MRC2: variants seen among roughly 807,000 people sequenced by gnomAD.
MRC2 encodes C-type mannose receptor 2.
MRC2 carries 84 observed loss-of-function variants against 206.2 expected under a neutral mutation model. The observed-to-expected ratio is 0.41, with a 90% CI of 0.34 to 0.49. The LOEUF is 0.49. MRC2 is among the 20% of genes least tolerant of loss of function. The probability of loss-of-function intolerance (pLI) is 0.31; values close to 1 mark genes in which losing one functional copy is unlikely to be tolerated. For synonymous variants in MRC2, 798 were observed against 800.0 expected (o/e 1.00, Z 0.04); for missense variants, 1,676 against 2,001.5 (o/e 0.84, Z 3.10).
intron 1 of MRC2, among the ~76,000 whole-genome samples, chr17:62,635,426 A>G (rs951399599): frequency 3.3e-5 from 5 of 151,836 alleles, no homozygotes; most frequent in Admixed American, 1.3e-4. Context: ...TTTAACCTTC[A>G]TTTAGGGAAG....
At position 62,677,277 on chromosome 17, in the gene MRC2, C is replaced by A. The variant is rs199708648; in HGVS notation, c.1843C>A (p.Arg615Ser). Residue 615 changes from arginine to serine, a missense_variant, in exon 12 of 30, where the codon CGT becomes AGT. Coordinates refer to ENST00000303375, the MANE Select transcript of MRC2 (RefSeq NM_006039.5). ...HWNRDQPGYS[R>S]GGCVALATGS... ...CCTTCCCTCTCCTTCAGGGTACAGC[C>A]GTGGGGGCTGCGTGGCGCTGGCCAC... The A allele has an allele frequency of 1.9e-6, 3 of 1,601,214 alleles. No individual in the cohort carries two copies. The East Asian group carries it at 6.8e-5, about 36-fold the overall frequency.
intron 11 of MRC2, among the ~76,000 whole-genome samples, 197 bp from the exon 12 acceptor site, chr17:62,677,072 A>G (rs2088901869): frequency 6.6e-6 from 1 of 152,254 alleles, no homozygotes; most frequent in African/African-American, 2.4e-5. Context: ...GAGCCCTCAC[A>G]GTGGGTGAAC....
At chr17:62,659,752 G>C (rs549407500) in intron 1 of MRC2, among the ~76,000 whole-genome samples, 7 of 152,292 alleles carry the variant, frequency 4.6e-5, no homozygotes, top group African/African-American at 1.7e-4. Flanking sequence ...CAGGGTCCCT[G>C]CCCCAACCTA....
intron 1 of MRC2, among the ~76,000 whole-genome samples, chr17:62,659,175 A>C (rs2088652324): frequency 6.6e-6 from 1 of 152,062 alleles, no homozygotes; most frequent in Admixed American, 6.6e-5. Context: ...CTATCCATGA[A>C]GGCTCTTCCC....
Position 62,627,813 on chromosome 17 carries a change from G to C in MRC2, c.11G>C (p.Gly4Ala). The stretch of plus-strand genomic sequence containing the variant: ...GCGCCGCGCTCGGGGATGGGGCCCG[G>C]CCGGCCGGCCCCCGCGCCCTGGCCT... MGP[G>A]RPAPAPWPRH... The change falls in exon 1 of 30, where the codon GGC becomes GCC. Residue 4 changes from glycine (G) to alanine (A), a missense_variant. Coordinates refer to ENST00000303375, the MANE Select transcript of MRC2 (RefSeq NM_006039.5). The C allele has an allele frequency of 2.1e-6, 3 of 1,440,208 alleles. No individual in the cohort carries two copies. Among genetic ancestry groups the C allele is most frequent in the Admixed American group, 2.8e-5 (1 of 35,752 alleles). 89.2% of individuals were successfully genotyped at this position (1,440,208 alleles called of 1,614,324 possible).
chr17:62,663,899 C>T (rs2088710079), intron 1 of MRC2, among the ~76,000 whole-genome samples: 1 of 151,704 alleles, frequency 6.6e-6, no homozygotes, highest in Non-Finnish European at 1.5e-5. Flanking sequence ...TGCCTCCACT[C>T]CTCCTCATAA....
rs1568067838 is a variant in MRC2 at position 62,679,911 on chromosome 17, GC to G, written c.2298+11del. On this transcript the variant is annotated intron_variant, in intron 14 of 29. Transcript: ENST00000303375. ...GGAGCGACGGCGTAGGGGTGAGGGG[GC>G]CTGGGGTACTTGGGACTGCGAGGCC... 1 of 1,609,614 alleles carries G rather than the reference GC, an allele frequency of 6.2e-7. No individual in the cohort carries two copies. Among genetic ancestry groups the G allele is most frequent in the South Asian group, 1.1e-5 (1 of 90,498 alleles).
chr17:62,642,378 A>T (rs764693746), intron 1 of MRC2, among the ~76,000 whole-genome samples: 18 of 152,176 alleles, frequency 1.2e-4, no homozygotes, highest in African/African-American at 3.9e-4. Context: ...CACCAATGTC[A>T]ATTTGTTCCC....
Position 62,688,925 on chromosome 17 carries a change from A to G in MRC2, c.3299A>G (p.Glu1100Gly). 1 of 1,613,842 alleles carries G rather than the reference A, an allele frequency of 6.2e-7. No homozygotes were observed. Among genetic ancestry groups the G allele is most frequent in the Non-Finnish European group, 8.5e-7 (1 of 1,179,998 alleles). The change falls in exon 23 of 30, where the codon GAG becomes GGG. Residue 1100 changes from glutamate to glycine, a missense_variant. Physicochemically the swap from Glu to Gly is moderately conservative, Grantham distance 98. Around this residue, in one of 3 missense-constraint regions of MRC2, gnomAD observed 1,354 missense variants for 1,636.6 expected, o/e 0.83. Coordinates refer to ENST00000303375, the MANE Select transcript of MRC2 (RefSeq NM_006039.5). The stretch of plus-strand genomic sequence containing the variant: ...CGCTGGGACGATCGGAGCTGCACGG[A>G]GGAGACCCATGGCTTCATCTGCCAG... ...TGRWDDRSCT[E>G]ETHGFICQKG...
chr17:62,680,905 T>C lies in MRC2; in HGVS notation c.2579T>C (p.Leu860Pro), dbSNP rs2088957434. Residue 860 changes from leucine to proline, a missense_variant, in exon 17 of 30, where the codon CTG (leucine) becomes CCG (proline). Leu to Pro is a moderately conservative substitution (Grantham distance 98). This residue lies in a region of MRC2 where 1,354 missense variants were observed against 1,636.6 expected (regional missense o/e 0.83). Transcript: ENST00000303375. The surrounding 1 kb of genome is among the most constrained non-coding windows in gnomAD (Gnocchi z 4.8). ...QRICTWFQAE[L>P]TSVHSQAELD... ...ATCTGCACGTGGTTCCAGGCCGAGC[T>C]GACCTCGGTGCACAGCCAGGCGGAG... The C allele has an allele frequency of 6.2e-7, 1 of 1,613,122 alleles. No individual in the cohort carries two copies. The highest frequency in any genetic ancestry group is 2.2e-5 in the East Asian group (1 of 44,896).
rs570683486 is a variant in MRC2 at position 62,652,132 on chromosome 17, G to T, written c.119-12416G>T. ...GGTTACTCCCCACCCCACACACCTT[G>T]TAGACACTTTGTCAAAACTACATTT... On this transcript the variant is annotated intron_variant, in intron 1 of 29. Coordinates refer to ENST00000303375, the MANE Select transcript of MRC2 (RefSeq NM_006039.5). This position sits in a 1 kb window ranked among gnomAD's most constrained non-coding sequence, Gnocchi z 4.6. Among the ~76,000 whole-genome samples, 1 of 152,312 alleles carries T rather than the reference G, an allele frequency of 6.6e-6. No homozygotes were observed. Among genetic ancestry groups the T allele is most frequent in the East Asian group, 1.9e-4 (1 of 5,188 alleles).
chr17:62,636,301 TAC>T (rs2088317870), intron 1 of MRC2, among the ~76,000 whole-genome samples: 1 of 150,364 alleles, frequency 6.7e-6, no homozygotes, highest in African/African-American at 2.4e-5. Context: ...ATTCAAACCA[TAC>T]ACAAGTAAGT....
intron 13 of MRC2, 75 bp from the exon 14 acceptor site, chr17:62,679,725 G>C: frequency 7.0e-7 from 1 of 1,436,622 alleles, no homozygotes; most frequent in Non-Finnish European, 9.6e-7. Context: ...AGCTGCAAGG[G>C]ACAGGGGGCA....
intron 1 of MRC2, among the ~76,000 whole-genome samples, chr17:62,629,838 G>A (rs1281826527): frequency 2.0e-5 from 3 of 152,350 alleles, no homozygotes; most frequent in Admixed American, 2.0e-4. Context: ...GGTGTGGCAG[G>A]CCAGTGCTGC....
At chr17:62,682,076 G>A (rs1472486282) in intron 19 of MRC2, 139 bp downstream of exon 19, 1 of 1,087,666 alleles carries the variant, frequency 9.2e-7, no homozygotes, top group African/African-American at 1.6e-5. Context: ...GCGAGGGGTG[G>A]ACCTGTCTCC....
In MRC2 at chr17:62,691,599, G is replaced by A. The variant is rs147048196; in HGVS notation, c.4192+471G>A. Among the ~76,000 whole-genome samples, 10 of 152,034 alleles carry A rather than the reference G, an allele frequency of 6.6e-5. No homozygotes were observed. The South Asian group carries it at 8.3e-4, about 13-fold the overall frequency. ...AGCCTGGCCAACATGGTGAAACCCC[G>A]TCTCTACCAAAAAGTACAAAAATTA... On this transcript the variant is annotated intron_variant, in intron 28 of 29. Transcript: ENST00000303375.
chr17:62,690,155 G>A lies in MRC2; in HGVS notation c.3743-1G>A. Reference sequence around the variant, plus strand: ...CACTTCTTAATCCTGTACCCCCACAGGGCCCCCTCCTCCCCGAAGAATAAG... The same window carrying A: ...CACTTCTTAATCCTGTACCCCCACAAGGCCCCCTCCTCCCCGAAGAATAAG... On this transcript the variant is annotated splice_acceptor_variant, in intron 25 of 29. Coordinates refer to ENST00000303375, the MANE Select transcript of MRC2 (RefSeq NM_006039.5). LOFTEE classifies it high-confidence loss of function. 1 of 1,601,540 alleles carries A rather than the reference G, an allele frequency of 6.2e-7. No homozygotes were observed. Among genetic ancestry groups the A allele is most frequent in the South Asian group, 1.1e-5 (1 of 89,962 alleles).
At position 62,667,043 on chromosome 17, in the gene MRC2, C is replaced by A. The variant is rs557448173; in HGVS notation, c.973+173C>A. On this transcript the variant is annotated intron_variant, in intron 5 of 29. Coordinates refer to ENST00000303375, the MANE Select transcript of MRC2 (RefSeq NM_006039.5). The surrounding 1 kb of genome is among the most constrained non-coding windows in gnomAD (Gnocchi z 4.1). Reference sequence around the variant, plus strand: ...CCCTAGCCCATGTAGGGCGGCGCTGCCCCAGGCCGAAGGTCTTGGTGCATA... The same window carrying A: ...CCCTAGCCCATGTAGGGCGGCGCTGACCCAGGCCGAAGGTCTTGGTGCATA... 1.3e-5 allele frequency among the ~76,000 whole-genome samples: 2 copies of A among 152,172 alleles called. No homozygotes were observed. The highest frequency in any genetic ancestry group is 1.3e-4 in the Admixed American group (2 of 15,286).
intron 1 of MRC2, among the ~76,000 whole-genome samples, chr17:62,640,017 C>CTTTTTTTTTTTTTTTTTTTT (rs56703312): frequency 5.4e-5 from 4 of 74,350 alleles, no homozygotes; most frequent in Admixed American, 1.8e-4. Context: ...CCATGCCCAG[C>CTTTTTTTTTTTTTTTTTTTT]TTTTTTTTTT....
Sources: allele counts gnomAD v4.1 joint callset (sites outside exome capture counted in the v4.1 genomes callset), GRCh38; gene constraint gnomAD v4.1.1; regional missense constraint gnomAD v4.1.1; non-coding constraint Gnocchi (gnomAD v3.1); transcripts MANE v1.5; gene names NCBI Gene and HGNC (gene_info 2026-07-23, HGNC 2026-07-21).